The following NCAM2 variants were observed in gnomAD, a reference collection of about 807,000 sequenced individuals.
NCAM2 encodes neural cell adhesion molecule 2, also known as N-CAM-2.
Under a neutral mutation model 98.1 loss-of-function variants are expected in NCAM2, and 30 were observed. The observed-to-expected ratio is 0.31, with a 90% confidence interval of 0.23 to 0.41. NCAM2 has a LOEUF of 0.41. Ranked by LOEUF, NCAM2 falls within the 10% of genes least tolerant of loss-of-function variation. The pLI is 1.00. For synonymous variants in NCAM2, 368 were observed against 342.4 expected, an observed-to-expected ratio of 1.07 and a Z score of -0.83; for missense variants, 867 against 1,005.8, an observed-to-expected ratio of 0.86 and a Z score of 1.87.
chr21:21,508,047 T>G lies in NCAM2; in HGVS notation c.2078-804T>G, dbSNP rs1032331044. ...ACTTGCTCCACTTGCCATTTCAATT[T>G]TATCAATCAGAATACTTCATCTTCT... On this transcript the variant is annotated intron_variant, in intron 15 of 17. Transcript: ENST00000400546. 4.7e-4 allele frequency among the ~76,000 whole-genome samples: 71 copies of G among 152,280 alleles called. 1 individual carries two copies. Among genetic ancestry groups the G allele is most frequent in the African/African-American group, 1.6e-3 (66 of 41,572 alleles).
intron 15 of NCAM2, among the ~76,000 whole-genome samples, chr21:21,486,246 G>GTGAGCC (rs1569111352): frequency 6.9e-6 from 1 of 144,830 alleles, no homozygotes; most frequent in Non-Finnish European, 1.5e-5. Context: ...GGAGCTTGCA[G>GTGAGCC]TGAGCCGAGA....
At chr21:21,173,078 A>T (rs2068174118) in intron 1 of NCAM2, among the ~76,000 whole-genome samples, 1 of 152,172 alleles carries the variant, frequency 6.6e-6, no homozygotes, top group Non-Finnish European at 1.5e-5. Flanking sequence ...TATTGTAAAT[A>T]ATTAATGTAA....
At chr21:21,009,261 T>C (rs2064163719) in intron 1 of NCAM2, among the ~76,000 whole-genome samples, 1 of 152,148 alleles carries the variant, frequency 6.6e-6, no homozygotes, top group Non-Finnish European at 1.5e-5. Context: ...AAATACATGA[T>C]ATGTTGGCCT....
In NCAM2 at chr21:21,042,652, G is replaced by A. The variant is rs542853627; in HGVS notation, c.55+44034G>A. 4.6e-5 allele frequency among the ~76,000 whole-genome samples: 7 copies of A among 152,170 alleles called. No homozygotes were observed. The East Asian group carries it at 7.8e-4, about 17-fold the overall frequency. Reference sequence around the variant, plus strand: ...AGGAATGTTGCCAACTAAAAAATGAGGTCTGAACTGCTCCCCTCAGGCCCT... The same window carrying A: ...AGGAATGTTGCCAACTAAAAAATGAAGTCTGAACTGCTCCCCTCAGGCCCT... On this transcript the variant is annotated intron_variant, in intron 1 of 17. Transcript: ENST00000400546.
intron 5 of NCAM2, among the ~76,000 whole-genome samples, chr21:21,311,682 C>G (rs1027740279): frequency 6.6e-6 from 1 of 151,992 alleles, no homozygotes; most frequent in African/African-American, 2.4e-5. Flanking sequence ...CTTTTGTTTC[C>G]GTTATCAGAT....
intron 5 of NCAM2, among the ~76,000 whole-genome samples, chr21:21,296,362 T>C (rs969085590): frequency 6.6e-6 from 1 of 151,810 alleles, no homozygotes; most frequent in South Asian, 2.1e-4. Flanking sequence ...TTTAGGAGAA[T>C]AGGGCAATAA....
In NCAM2 at chr21:21,346,610, C is replaced by G. The variant is rs1303324990; in HGVS notation, c.1044+8076C>G. 2.0e-5 allele frequency among the ~76,000 whole-genome samples: 3 copies of G among 152,034 alleles called. 1 individual carries two copies. The South Asian group carries it at 6.2e-4, about 32-fold the overall frequency. ...TTTTCCTCAGCACATGGATCATTTT[C>G]AAGGATATATTATATACTATGTTAC... On this transcript the variant is annotated intron_variant, in intron 8 of 17. Transcript: ENST00000400546.
At chr21:21,096,625 C>A (rs1005763732) in intron 1 of NCAM2, among the ~76,000 whole-genome samples, 2 of 151,664 alleles carry the variant, frequency 1.3e-5, no homozygotes, top group Non-Finnish European at 3.0e-5. Context: ...GTACCACAAG[C>A]AAGAATCTTT....
At chr21:21,347,479 CCAA>C (rs556855850) in intron 8 of NCAM2, among the ~76,000 whole-genome samples, 174 of 151,882 alleles carry the variant, frequency 1.1e-3, no homozygotes, top group Non-Finnish European at 1.8e-3. Context: ...CCTGAACAGA[CCAA>C]CAACAAGTAA....
intron 1 of NCAM2, among the ~76,000 whole-genome samples, chr21:21,101,436 T>C (rs6518078): frequency 0.35 from 53,000 of 151,874 alleles, 12,789 homozygotes; most frequent in African/African-American, 0.69. Context: ...CACACTACCT[T>C]ATTGATATGG....
intron 1 of NCAM2, among the ~76,000 whole-genome samples, chr21:21,122,709 T>C (rs1601426310): frequency 1.3e-5 from 2 of 152,204 alleles, no homozygotes; most frequent in African/African-American, 4.8e-5. Flanking sequence ...CCCTGTGTTT[T>C]TATATCCAAG....
chr21:21,496,067 A>G (rs562984810), intron 15 of NCAM2, among the ~76,000 whole-genome samples: 2 of 150,448 alleles, frequency 1.3e-5, no homozygotes, highest in East Asian at 3.9e-4. Flanking sequence ...AGTACAGCAC[A>G]ATGATGAACA....
At chr21:21,044,697 A>G (rs1160646960) in intron 1 of NCAM2, among the ~76,000 whole-genome samples, 2 of 152,198 alleles carry the variant, frequency 1.3e-5, no homozygotes, top group African/African-American at 2.4e-5. Flanking sequence ...CAGATATGGC[A>G]GCTCATGCCT....
At chr21:21,411,489 A>G (rs1204997272) in intron 10 of NCAM2, among the ~76,000 whole-genome samples, 2 of 151,886 alleles carry the variant, frequency 1.3e-5, no homozygotes, top group Non-Finnish European at 2.9e-5. Flanking sequence ...TATATTGCCA[A>G]GTAATTGGCC....
intron 9 of NCAM2, among the ~76,000 whole-genome samples, chr21:21,383,808 A>G (rs1314053594): frequency 1.3e-5 from 2 of 151,940 alleles, no homozygotes; most frequent in African/African-American, 2.4e-5. Flanking sequence ...TATTTTTATT[A>G]TTTTTCTTTT....
At chr21:21,174,479 A>T (rs2068220614) in intron 1 of NCAM2, among the ~76,000 whole-genome samples, 1 of 152,202 alleles carries the variant, frequency 6.6e-6, no homozygotes, top group South Asian at 2.1e-4. Context: ...GCAAGCCTAT[A>T]GTGAGACAGC....
At chr21:21,186,858 C>G (rs572305395) in intron 1 of NCAM2, among the ~76,000 whole-genome samples, 70 of 152,072 alleles carry the variant, frequency 4.6e-4, no homozygotes, top group Non-Finnish European at 9.0e-4. Context: ...TGTAAATATA[C>G]AAATCAGTTT....
At chr21:21,511,004 G>T (rs1363945914) in intron 16 of NCAM2, among the ~76,000 whole-genome samples, 1 of 151,932 alleles carries the variant, frequency 6.6e-6, no homozygotes, top group East Asian at 1.9e-4. Flanking sequence ...ACATAAATGA[G>T]TTTATACTTG....
At chr21:21,086,524 C>T in intron 1 of NCAM2, among the ~76,000 whole-genome samples, 1 of 152,154 alleles carries the variant, frequency 6.6e-6, no homozygotes, top group South Asian at 2.1e-4. Context: ...AAGTTTATCT[C>T]TGACACCATT....
Sources: allele counts gnomAD v4.1 joint callset (sites outside exome capture counted in the v4.1 genomes callset), GRCh38; gene constraint gnomAD v4.1.1; transcripts MANE v1.5; gene names NCBI Gene and HGNC (gene_info 2026-07-23, HGNC 2026-07-21).